Variants in ZNF335 observed in about 807,000 individuals in gnomAD.
ZNF335 encodes the protein zinc finger protein 335, also known as NRC-interacting factor 1.
Under a neutral mutation model 145.6 loss-of-function variants are expected in ZNF335, and 84 were observed. The observed-to-expected ratio is 0.58, with a 90% CI of 0.48 to 0.69. ZNF335 has a LOEUF of 0.69. Among genes scored for constraint, ZNF335 ranks in the 30% least tolerant of loss-of-function variants. ZNF335 has a pLI of 0.00. For synonymous variants in ZNF335, 761 were observed against 717.0 expected (o/e 1.06, Z -0.98); for missense variants, 1,865 against 1,809.7 (o/e 1.03, Z -0.55).
Position 45,949,584 on chromosome 20 carries a change from G to C in ZNF335, c.3670-16C>G, listed in dbSNP as rs1035092542. ...TATACTGCACCTGTTGGTGGGGGGGGCGGGCATGGCGAGGCAGGTGCTGAG... is the reference window on the plus strand; with the variant it reads ...TATACTGCACCTGTTGGTGGGGGGGCCGGGCATGGCGAGGCAGGTGCTGAG... On this transcript the variant is annotated splice_polypyrimidine_tract_variant and intron_variant, in intron 24 of 27. Transcript: ENST00000322927. The C allele has an allele frequency of 1.1e-5, 18 of 1,600,950 alleles. No homozygotes were observed. The highest frequency in any genetic ancestry group is 2.7e-5 in the African/African-American group (2 of 74,736).
rs61555698 is a variant in ZNF335, at chr20:45,955,350, CAAAAAAAA to C, written c.2443-1410_2443-1403del. Among the ~76,000 whole-genome samples the C allele has an allele frequency of 1.3e-4, 5 of 37,322 alleles. 1 individual carries two copies. In the South Asian group the frequency reaches 5.2e-3, roughly 38 times the overall value. The allele number at this position is 37,322 out of a possible 152,430, so 24.5% of individuals were successfully genotyped here. On this transcript the variant is annotated intron_variant, in intron 17 of 27. Transcript: ENST00000322927. ...TGGGCAACAGAGCAAGACTCTGTCT[CAAAAAAAA>C]AAAAAAAAAAAAGATTTATAAAGAC... is the stretch of plus-strand genomic sequence containing the variant.
intron 20 of ZNF335, 56 bp downstream of exon 20, chr20:45,952,091 T>A: frequency 2.0e-6 from 3 of 1,533,110 alleles, no homozygotes; most frequent in Non-Finnish European, 2.6e-6. Context: ...AGGTTTGTTA[T>A]ACAAACGAGT....
At position 45,950,545 on chromosome 20, in the gene ZNF335, G is replaced by A; in HGVS notation, c.3240C>T (p.Cys1080=). ...SSLRPHQCSQ[C]SFASKNKKDL... ...CCTTCTTGTTCTTGGAGGCAAAGCTGCACTGGCTACACTGGTGGGGCCGTA... is the reference window on the plus strand; with the variant it reads ...CCTTCTTGTTCTTGGAGGCAAAGCTACACTGGCTACACTGGTGGGGCCGTA... The change falls in exon 21 of 28, where the codon TGC becomes TGT. Residue 1080 remains cysteine (C), a synonymous_variant. Transcript: ENST00000322927. The A allele has an allele frequency of 6.2e-7, 1 of 1,614,188 alleles. No homozygotes were observed. The highest frequency in any genetic ancestry group is 8.5e-7 in the Non-Finnish European group (1 of 1,180,034).
At chr20:45,951,731 T>C (rs1328348106) in intron 20 of ZNF335, among the ~76,000 whole-genome samples, 2 of 152,226 alleles carry the variant, frequency 1.3e-5, no homozygotes, top group African/African-American at 4.8e-5. Flanking sequence ...TAACAGGCCA[T>C]GGATGACTAC....
intron 7 of ZNF335, 161 bp from the exon 8 acceptor site, chr20:45,964,151 A>G: frequency 1.2e-6 from 1 of 861,274 alleles, no homozygotes. Context: ...GTTAGAGGGC[A>G]GCATGGATAC....
At chr20:45,951,136 C>A (rs1183746077) in intron 20 of ZNF335, among the ~76,000 whole-genome samples, 1 of 152,264 alleles carries the variant, frequency 6.6e-6, no homozygotes, top group Non-Finnish European at 1.5e-5. Context: ...AGGTGATCCG[C>A]CTGCCTCGGC....
chr20:45,963,934 G>A lies in ZNF335; in HGVS notation c.1159C>T (p.Gln387Ter), dbSNP rs2083902478. Residue 387 changes from glutamine (Q) to a stop codon, truncating the protein, a stop_gained, in exon 8 of 28, where the codon CAG becomes TAG. Transcript: ENST00000322927. LOFTEE classifies it high-confidence loss of function. ...GAGGAGCTGGGAGCCTCGGGATCCT[G>A]TGGCTCTGGAGGGCTCTGTCCACTC... ...SQSGQSPPEP[Q>*]DPEAPSSSGP... is the part of the protein sequence containing the mutation. 6.4e-7 allele frequency: 1 copy of A among 1,563,872 alleles called. No homozygotes were observed. Among genetic ancestry groups the A allele is most frequent in the Non-Finnish European group, 8.7e-7 (1 of 1,154,514 alleles).
chr20:45,952,145 A>T lies in ZNF335; in HGVS notation c.3189+2T>A, dbSNP rs368250551. On this transcript the variant is annotated splice_donor_variant, in intron 20 of 27. Transcript: ENST00000322927. LOFTEE classifies it high-confidence loss of function. ...AGAGACACAGGAGCAACCAGCACCT[A>T]CCCGGACCTCGGGCCACTGGCGGGC... 5 of 1,594,826 alleles carry T rather than the reference A, an allele frequency of 3.1e-6. No homozygotes were observed. The highest frequency in any genetic ancestry group is 4.3e-6 in the Non-Finnish European group (5 of 1,168,572).
At chr20:45,965,260 C>T (rs1042344063) in intron 7 of ZNF335, among the ~76,000 whole-genome samples, 7 of 152,028 alleles carry the variant, frequency 4.6e-5, no homozygotes, top group African/African-American at 1.4e-4. Flanking sequence ...CTTTCTGTCC[C>T]CAGCCAGTAA....
intron 10 of ZNF335, 131 bp from the exon 11 acceptor site, chr20:45,961,013 T>A (rs2083834119): frequency 5.6e-6 from 7 of 1,241,088 alleles, no homozygotes; most frequent in Non-Finnish European, 6.7e-6. Flanking sequence ...AGAATAGTGC[T>A]TCCCCAGCTG....
chr20:45,959,272 G>A lies in ZNF335; in HGVS notation c.2182C>T (p.Gln728Ter). The change falls in exon 15 of 28, where the codon CAG becomes TAG. Residue 728 changes from glutamine to a stop codon, truncating the protein, a stop_gained. Coordinates refer to ENST00000322927, the MANE Select transcript of ZNF335 (RefSeq NM_022095.4). LOFTEE classifies it high-confidence loss of function. Reference sequence around the variant, plus strand: ...TGCTGCTGCTTCAGCTCCTCAATCTGCTGCAGAGAGAAGAAGGGGCGACGG... The same window carrying A: ...TGCTGCTGCTTCAGCTCCTCAATCTACTGCAGAGAGAAGAAGGGGCGACGG... ...SRRRPFFSLQ[Q>*]IEELKQQHSA... The A allele has an allele frequency of 1.3e-6, 2 of 1,536,776 alleles. No homozygotes were observed. Among genetic ancestry groups the A allele is most frequent in the East Asian group, 2.4e-5 (1 of 41,274 alleles).
Position 45,959,411 on chromosome 20 carries a change from C to A in ZNF335, c.2043G>T (p.Glu681Asp). The change falls in exon 15 of 28, where the codon GAG becomes GAT. Residue 681 changes from glutamate to aspartate, a missense_variant. Coordinates refer to ENST00000322927, the MANE Select transcript of ZNF335 (RefSeq NM_022095.4). The stretch of plus-strand genomic sequence containing the variant: ...TGTGCCGTGTGCTGAAGTGGCAGTA[C>A]TCACAGGCGAAGGGCTTGGCCCCTG... ...KHTGAKPFAC[E>D]YCHFSTRHKK... 6.7e-7 allele frequency: 1 copy of A among 1,495,486 alleles called. No homozygotes were observed. The highest frequency in any genetic ancestry group is 9.0e-7 in the Non-Finnish European group (1 of 1,109,018). 92.6% of individuals were successfully genotyped at this position (1,495,486 alleles called of 1,614,324 possible).
In ZNF335 at chr20:45,968,037, G is replaced by A. The variant is rs749014443; in HGVS notation, c.521-10C>T. ...GATGTCATGGGGGCTCCTGGGGATG[G>A]GTGAGGCAATTGGAGGGTGGTTAAA... On this transcript the variant is annotated splice_polypyrimidine_tract_variant and intron_variant, in intron 4 of 27. Coordinates refer to ENST00000322927, the MANE Select transcript of ZNF335 (RefSeq NM_022095.4). 6.8e-6 allele frequency: 11 copies of A among 1,612,218 alleles called. No individual in the cohort carries two copies. The highest frequency in any genetic ancestry group is 5.3e-5 in the African/African-American group (4 of 74,912).
rs1228274036 is a variant in ZNF335 at position 45,960,898 on chromosome 20, C to T, written c.1647-16G>A. 17 of 1,613,080 alleles carry T rather than the reference C, an allele frequency of 1.1e-5. No individual in the cohort carries two copies. Among genetic ancestry groups the T allele is most frequent in the Middle Eastern group, 1.6e-4 (1 of 6,080 alleles). ...CCTCTTCTTCCTGTGGGGAAAAGGC[C>T]GAGGAATTAGACCAGAGCTTCCCCA... On this transcript the variant is annotated splice_polypyrimidine_tract_variant and intron_variant, in intron 10 of 27. Coordinates refer to ENST00000322927, the MANE Select transcript of ZNF335 (RefSeq NM_022095.4).
chr20:45,968,264 T>A (rs775323522), intron 4 of ZNF335, 21 bp downstream of exon 4: 6 of 1,609,604 alleles, frequency 3.7e-6, no homozygotes, highest in Non-Finnish European at 3.4e-6. Flanking sequence ...GCCTCCCCGA[T>A]TCTGGCACCT....
rs778699224 is a variant in ZNF335, at chr20:45,949,959, C to G, written c.3591+7G>C. 4 of 1,614,056 alleles carry G rather than the reference C, an allele frequency of 2.5e-6. No homozygotes were observed. Among genetic ancestry groups the G allele is most frequent in the Non-Finnish European group, 3.4e-6 (4 of 1,180,030 alleles). On this transcript the variant is annotated splice_region_variant and intron_variant, in intron 23 of 27. Coordinates refer to ENST00000322927, the MANE Select transcript of ZNF335 (RefSeq NM_022095.4). ...CTGGCCAGAGGGCCCCCAGTCCTGA[C>G]TCTTACCTGATTGGTCACTGTCTGT... is the stretch of plus-strand genomic sequence containing the variant.
In ZNF335 at chr20:45,960,688, C is replaced by T. The variant is rs771235128; in HGVS notation, c.1710G>A (p.Val570=). The change falls in exon 12 of 28, where the codon GTG becomes GTA. Residue 570 remains valine, a synonymous_variant. Transcript: ENST00000322927. ...SSFPCPVCGR[V]YPMQKRLTQH... Reference sequence around the variant, plus strand: ...GCGTGAGTCTTTTCTGCATGGGGTACACACGGCCACACACAGGGCAGGGGA... The same window carrying T: ...GCGTGAGTCTTTTCTGCATGGGGTATACACGGCCACACACAGGGCAGGGGA... 3 of 1,614,094 alleles carry T rather than the reference C, an allele frequency of 1.9e-6. No individual in the cohort carries two copies. The highest frequency in any genetic ancestry group is 1.7e-5 in the Admixed American group (1 of 60,014).
At chr20:45,968,135 C>G in intron 4 of ZNF335, 108 bp from the exon 5 acceptor site, 1 of 1,521,210 alleles carries the variant, frequency 6.6e-7, no homozygotes. Flanking sequence ...ACCAAATTCC[C>G]CACCAGAGGC....
chr20:45,952,411 T>TG lies in ZNF335; in HGVS notation c.2924dup (p.Ser976IlefsTer58). 6.3e-7 allele frequency: 1 copy of TG among 1,583,960 alleles called. No individual in the cohort carries two copies. The highest frequency in any genetic ancestry group is 8.6e-7 in the Non-Finnish European group (1 of 1,161,762). ...CTACGCAGTGGGTCTTGGCTGGAGA[T>TG]GGGGGCTCAGGGCCGTCTCTGGGCA... On this transcript the variant is annotated frameshift_variant, in exon 20 of 28. Coordinates refer to ENST00000322927, the MANE Select transcript of ZNF335 (RefSeq NM_022095.4). LOFTEE classifies it high-confidence loss of function.
Sources: allele counts gnomAD v4.1 joint callset (sites outside exome capture counted in the v4.1 genomes callset), GRCh38; gene constraint gnomAD v4.1.1; transcripts MANE v1.5; gene names NCBI Gene and HGNC (gene_info 2026-07-23, HGNC 2026-07-21).